The following TTN variants were observed in gnomAD, a reference collection of about 807,000 sequenced individuals.
The protein encoded by TTN is connectin.
Under a neutral mutation model 3,223.0 loss-of-function variants are expected in TTN, and 1,525 were observed. The observed-to-expected ratio is 0.47, with a 90% CI of 0.45 to 0.49. The LOEUF (loss-of-function observed/expected upper bound fraction) is 0.49, where lower values mean the gene tolerates loss of function less well. Among genes scored for constraint, TTN ranks in the 20% least tolerant of loss-of-function variants. The pLI, the probability that TTN is intolerant of heterozygous loss-of-function variation, is 0.00. For missense variants in TTN, 40,786 were observed against 43,424.0 expected, an observed-to-expected ratio of 0.94 and a Z score of 5.40; for synonymous variants, 14,094 against 15,161.0, an observed-to-expected ratio of 0.93 and a Z score of 5.17.
At position 178,636,417 on chromosome 2, in the gene TTN, C is replaced by A. The variant is rs556498170; in HGVS notation, c.41310G>T (p.Thr13770=). The A allele has an allele frequency of 6.2e-7, 1 of 1,607,954 alleles. No homozygotes were observed. The highest frequency in any genetic ancestry group is 8.5e-7 in the Non-Finnish European group (1 of 1,176,454). The change falls in exon 225 of 363, where the codon ACG becomes ACT. Residue 13770 remains threonine, a synonymous_variant. Coordinates refer to ENST00000589042, the MANE Select transcript of TTN (RefSeq NM_001267550.2). The surrounding 1 kb of genome is among the most constrained non-coding windows in gnomAD (Gnocchi z 4.3). The stretch of plus-strand genomic sequence containing the variant: ...AATTACCTTCTACAACAAGTTTAGC[C>A]GTGGAGGTCTTTTCTTTGTTTCCCA... The part of the protein sequence containing the change: ...LRLGNKEKTS[T]AKLVVEELPV...
chr2:178,605,847 T>C, intron 278 of TTN, 134 bp from the exon 279 acceptor site: 1 of 826,530 alleles, frequency 1.2e-6, no homozygotes, highest in Non-Finnish European at 1.6e-6. Context: ...TTAAAATCAT[T>C]CCTAAAACTT....
Position 178,634,251 on chromosome 2 carries a change from T to G in TTN, c.42415+115A>C. 2 of 1,492,174 alleles carry G rather than the reference T, an allele frequency of 1.3e-6. No individual in the cohort carries two copies. The highest frequency in any genetic ancestry group is 1.8e-6 in the Non-Finnish European group (2 of 1,125,872). 92.4% of individuals were successfully genotyped at this position (1,492,174 alleles called of 1,614,324 possible). On this transcript the variant is annotated intron_variant, in intron 230 of 362. Coordinates refer to ENST00000589042, the MANE Select transcript of TTN (RefSeq NM_001267550.2). The surrounding 1 kb of genome is among the most constrained non-coding windows in gnomAD (Gnocchi z 4.6). ...TTAAGGGGGGTTGTTTTGGTAACAC[T>G]GTGAAAGTTAATTAGTGATGCATTA...
chr2:178,575,875 G>A lies in TTN; in HGVS notation c.70257C>T (p.Asn23419=), dbSNP rs374496130. ...CAAAGCCACTTTTCTTCCCAGCCGG[G>A]TTTTCAATGGTCATGACAAATTTAC... The part of the protein sequence containing the change: ...DTGKFVMTIE[N]PAGKKSGFVN... The change falls in exon 326 of 363, where the codon AAC becomes AAT. Residue 23419 remains asparagine (N), a synonymous_variant. Coordinates refer to ENST00000589042, the MANE Select transcript of TTN (RefSeq NM_001267550.2). The surrounding 1 kb of genome is among the most constrained non-coding windows in gnomAD (Gnocchi z 4.0). The A allele has an allele frequency of 4.3e-6, 7 of 1,613,400 alleles. No individual in the cohort carries two copies. The African/African-American group carries it at 9.3e-5, about 22-fold the overall frequency.
Position 178,568,531 on chromosome 2 carries a change from T to C in TTN, c.77601A>G (p.Gln25867=), listed in dbSNP as rs777276284. 11 of 1,613,482 alleles carry C rather than the reference T, an allele frequency of 6.8e-6. No homozygotes were observed. Among genetic ancestry groups the C allele is most frequent in the Non-Finnish European group, 9.3e-6 (11 of 1,179,554 alleles). The change falls in exon 326 of 363, where the codon CAA becomes CAG. Residue 25867 remains glutamine, a synonymous_variant. Coordinates refer to ENST00000589042, the MANE Select transcript of TTN (RefSeq NM_001267550.2). The stretch of plus-strand genomic sequence containing the variant: ...CAACATTGGCAACTGTGATTCCATA[T>C]TGTCCACCATCATCCTTATGAGTTT... ...IKETHKDDGG[Q]YGITVANVVG...
chr2:178,579,521 A>G (rs2047207928), intron 319 of TTN, 40 bp downstream of exon 319: 1 of 1,603,276 alleles, frequency 6.2e-7, no homozygotes, highest in Non-Finnish European at 8.5e-7. Flanking sequence ...ACTTTCGATG[A>G]CAATAAAGGA....
At position 178,557,139 on chromosome 2, in the gene TTN, G is replaced by C. The variant is rs1701796563; in HGVS notation, c.88015C>G (p.Pro29339Ala). The change falls in exon 330 of 363, where the codon CCA becomes GCA. Residue 29339 changes from proline (P) to alanine (A), a missense_variant. Physicochemically the swap from Pro to Ala is conservative, Grantham distance 27. Transcript: ENST00000589042. ...PVLAIDACEP[P>A]RNVRITDISK... The stretch of plus-strand genomic sequence containing the variant: ...ATATCAGTGATACGAACATTTCTTG[G>C]GGGTTCTGTGGTAATAAGAGAAGCA... 2 of 1,613,384 alleles carry C rather than the reference G, an allele frequency of 1.2e-6. No individual in the cohort carries two copies. Among genetic ancestry groups the C allele is most frequent in the Non-Finnish European group, 1.7e-6 (2 of 1,179,690 alleles).
rs780604245 is a variant in TTN at position 178,683,171 on chromosome 2, A to G, written c.32887+40T>C. 1.3e-5 allele frequency: 18 copies of G among 1,350,536 alleles called. No individual in the cohort carries two copies. The South Asian group carries it at 2.3e-4, about 17-fold the overall frequency. 83.7% of individuals were successfully genotyped at this position (1,350,536 alleles called of 1,614,324 possible). On this transcript the variant is annotated intron_variant, in intron 134 of 362. Coordinates refer to ENST00000589042, the MANE Select transcript of TTN (RefSeq NM_001267550.2). ...GGAACTAGAAGGCAAAGAGCCAGAT[A>G]GTTTCATGCCTCACATTACTTAATC...
chr2:178,773,884 G>A lies in TTN; in HGVS notation c.7284C>T (p.Thr2428=). 1 of 1,614,086 alleles carries A rather than the reference G, an allele frequency of 6.2e-7. No homozygotes were observed. Among genetic ancestry groups the A allele is most frequent in the Non-Finnish European group, 8.5e-7 (1 of 1,179,982 alleles). ...TKEDAGNYSF[T]IPALGLSTSG... The stretch of plus-strand genomic sequence containing the variant: ...TGGTGGAGAGGCCAAGGGCTGGAAT[G>A]GTGAAAGAGTAATTTCCAGCATCTT... Residue 2428 remains threonine, a synonymous_variant, in exon 31 of 363, where the codon ACC becomes ACT. Coordinates refer to ENST00000589042, the MANE Select transcript of TTN (RefSeq NM_001267550.2).
chr2:178,791,688 T>TGTGTGTGC (rs993708601), intron 10 of TTN, among the ~76,000 whole-genome samples: 4 of 133,724 alleles, frequency 3.0e-5, no homozygotes, highest in African/African-American at 5.1e-5. Context: ...TGTGTGTGTG[T>TGTGTGTGC]GCATGTGTGT....
chr2:178,745,593 A>G (rs1241847848), intron 47 of TTN: 1 of 1,612,548 alleles, frequency 6.2e-7, no homozygotes, highest in Non-Finnish European at 8.5e-7. Flanking sequence ...TTTTAAGTTA[A>G]GGTGAGTGCT....
Position 178,631,254 on chromosome 2 carries a change from T to G in TTN, c.43794A>C (p.Val14598=), listed in dbSNP as rs367548442. ...FTGKLQDYTG[V]EKDEVILQCE... is the part of the protein sequence containing the mutation. ...ACTGTAGAATAACTTCATCTTTCTC[T>G]ACACCAGTATAATCTTGAAGTTTTC... The change falls in exon 237 of 363, where the codon GTA becomes GTC. Residue 14598 remains valine (V), a synonymous_variant. Coordinates refer to ENST00000589042, the MANE Select transcript of TTN (RefSeq NM_001267550.2). 6.2e-7 allele frequency: 1 copy of G among 1,611,822 alleles called. No individual in the cohort carries two copies. The highest frequency in any genetic ancestry group is 1.3e-5 in the African/African-American group (1 of 74,900).
rs756052769 is a variant in TTN, at chr2:178,578,949, C to T, written c.68081G>A (p.Cys22694Tyr). The stretch of plus-strand genomic sequence containing the variant: ...GGTGGTTTTCTGGACAGCTGAGGCG[C>T]ACGTCACCCACTTGTTGTTCACAGA... ...RDSVNNKWVTCASAVQKTTFR... is the reference protein window; with the variant it reads ...RDSVNNKWVTYASAVQKTTFR... The change falls in exon 320 of 363, where the codon TGC becomes TAC. Residue 22694 changes from cysteine to tyrosine, a missense_variant. Coordinates refer to ENST00000589042, the MANE Select transcript of TTN (RefSeq NM_001267550.2). The T allele has an allele frequency of 3.7e-6, 6 of 1,613,248 alleles. No homozygotes were observed. Among genetic ancestry groups the T allele is most frequent in the Middle Eastern group, 1.7e-4 (1 of 6,054 alleles).
Position 178,537,242 on chromosome 2 carries a change from A to T in TTN, c.99867T>A (p.Asp33289Glu), listed in dbSNP as rs1575322300. The change falls in exon 356 of 363, where the codon GAT becomes GAA. Residue 33289 changes from aspartate (D) to glutamate (E), a missense_variant and splice_region_variant. Coordinates refer to ENST00000589042, the MANE Select transcript of TTN (RefSeq NM_001267550.2). ...TTGGTCCTGTAGGTTTGTCTGGTTTATCTGTTGGGGGAAAATACAATTGTG... is the reference window on the plus strand; with the variant it reads ...TTGGTCCTGTAGGTTTGTCTGGTTTTTCTGTTGGGGGAAAATACAATTGTG... ...VDAILDVEIQDKPDKPTGPIV... is the reference protein window; with the variant it reads ...VDAILDVEIQEKPDKPTGPIV... The T allele has an allele frequency of 2.5e-6, 4 of 1,586,746 alleles. No individual in the cohort carries two copies. In the South Asian group the frequency reaches 3.4e-5, roughly 14 times the overall value.
chr2:178,729,498 A>T lies in TTN; in HGVS notation c.18658T>A (p.Cys6220Ser). 6.2e-7 allele frequency: 1 copy of T among 1,613,330 alleles called. No individual in the cohort carries two copies. Among genetic ancestry groups the T allele is most frequent in the Non-Finnish European group, 8.5e-7 (1 of 1,179,568 alleles). ...VVKYSDVELE[C>S]EVTGTPPFEV... ...AACGGAGGTGTTCCCGTAACTTCAC[A>T]CTCCAGCTCCACGTCACTATATTTT... Residue 6220 changes from cysteine to serine, a missense_variant, in exon 64 of 363, where the codon TGT becomes AGT. By Grantham distance (112) the Cys-to-Ser change is moderately radical. Coordinates refer to ENST00000589042, the MANE Select transcript of TTN (RefSeq NM_001267550.2).
chr2:178,707,643 T>C lies in TTN; in HGVS notation c.28924A>G (p.Ser9642Gly), dbSNP rs367888853. Residue 9642 changes from serine to glycine, a missense_variant, in exon 100 of 363, where the codon AGT becomes GGT. Ser to Gly is a moderately conservative substitution (Grantham distance 56). Transcript: ENST00000589042. ...CTGAGTTCCAGTACAGCTGTCCCAC[T>C]AGCAAAGCTGAAGCTGCATCTGTCT... ...PSDRCSFSFA[S>G]GTAVLELRDV... The C allele has an allele frequency of 3.5e-5, 57 of 1,613,778 alleles. No homozygotes were observed. The highest frequency in any genetic ancestry group is 4.3e-5 in the Non-Finnish European group (51 of 1,179,858).
Position 178,571,287 on chromosome 2 carries a change from C to G in TTN, c.74845G>C (p.Glu24949Gln), listed in dbSNP as rs753903335. The change falls in exon 326 of 363, where the codon GAA becomes CAA. Residue 24949 changes from glutamate (E) to glutamine (Q), a missense_variant. Glu to Gln is a conservative substitution (Grantham distance 29). Transcript: ENST00000589042. ...TTAACCCAGAGGATGCTATTTCTTT[C>G]CTTGCGTTCTAGATGATAGCCAATG... ...RVIGYHLERK[E>Q]RNSILWVKLN... 1 of 1,613,314 alleles carries G rather than the reference C, an allele frequency of 6.2e-7. No homozygotes were observed. The highest frequency in any genetic ancestry group is 1.3e-5 in the African/African-American group (1 of 74,838).
In TTN at chr2:178,774,284, T is replaced by C. The variant is rs1342961134; in HGVS notation, c.6980A>G (p.Asp2327Gly). 6.2e-6 allele frequency: 10 copies of C among 1,614,036 alleles called. No homozygotes were observed. The highest frequency in any genetic ancestry group is 8.5e-6 in the Non-Finnish European group (10 of 1,180,004). Residue 2327 changes from aspartate to glycine, a missense_variant, in exon 30 of 363, where the codon GAT becomes GGT. By Grantham distance (94) the Asp-to-Gly change is moderately conservative (BLOSUM62 -1). Coordinates refer to ENST00000589042, the MANE Select transcript of TTN (RefSeq NM_001267550.2). The stretch of plus-strand genomic sequence containing the variant: ...TTCTCCCTGGTCCTCCTTGGTTACA[T>C]CCTTGACCGTGAGGTTCTGACGTCC... ...RRGRQNLTVK[D>G]VTKEDQGEYS... is the part of the protein sequence containing the mutation.
rs1209451009 is a variant in TTN at position 178,651,967 on chromosome 2, A to C, written c.39296T>G (p.Val13099Gly). ...PPKPESPPPE[V>G]FEEPEEVALE... is the part of the protein sequence containing the mutation. The stretch of plus-strand genomic sequence containing the variant: ...GGCAACTTCCTCAGGCTCCTCGAAC[A>C]CTTTAAAGACATGAGCTCATTTTAA... The change falls in exon 205 of 363, where the codon GTG becomes GGG. Residue 13099 changes from valine to glycine, a missense_variant and splice_region_variant. Transcript: ENST00000589042. 1.2e-6 allele frequency: 2 copies of C among 1,610,544 alleles called. No homozygotes were observed. The highest frequency in any genetic ancestry group is 2.7e-5 in the African/African-American group (2 of 74,824).
In TTN at chr2:178,593,129, A is replaced by G. The variant is rs891361954; in HGVS notation, c.59035+44T>C. The stretch of plus-strand genomic sequence containing the variant: ...ACGAATTAGCATATAGCTGAAAACA[A>G]AGTTAGATAACATGAAAACTGAATA... On this transcript the variant is annotated intron_variant, in intron 299 of 362. Coordinates refer to ENST00000589042, the MANE Select transcript of TTN (RefSeq NM_001267550.2). 3.2e-5 allele frequency: 51 copies of G among 1,610,162 alleles called. No homozygotes were observed. The Admixed American group carries it at 8.5e-4, about 27-fold the overall frequency.
Sources: gnomAD v4.1 joint callset for allele counts (sites outside exome capture counted in the v4.1 genomes callset) on GRCh38, gnomAD v4.1.1 for gene constraint, Gnocchi (gnomAD v3.1) non-coding constraint, MANE v1.5 for transcripts, NCBI Gene and HGNC (gene_info 2026-07-23, HGNC 2026-07-21) for gene names.